DPH6: variants seen among roughly 807,000 people sequenced by gnomAD.
DPH6 encodes the protein diphthine--ammonia ligase.
Under a neutral mutation model 38.2 loss-of-function variants are expected in DPH6, and 33 were observed. The observed-to-expected ratio is 0.86, with a 90% CI of 0.65 to 1.15. The LOEUF is 1.15. Ranked by LOEUF, DPH6 falls within the 50% of genes most tolerant of loss-of-function variation. The pLI is 0.00. For missense variants in DPH6, 325 were observed against 320.0 expected (o/e 1.02, Z -0.12); for synonymous variants, 108 against 103.0 (o/e 1.05, Z -0.30).
intron 3 of DPH6, among the ~76,000 whole-genome samples, chr15:35,317,087 A>G (rs889854324): frequency 2.0e-5 from 3 of 151,954 alleles, no homozygotes; most frequent in Admixed American, 1.3e-4. Flanking sequence ...GTGAAACCCT[A>G]TCTCTACAAA....
intron 3 of DPH6, among the ~76,000 whole-genome samples, chr15:35,244,425 T>G (rs1347058244): frequency 6.6e-6 from 1 of 152,244 alleles, no homozygotes; most frequent in Non-Finnish European, 1.5e-5. Flanking sequence ...CCCTGGACAC[T>G]CTGGTGCAAA....
intron 5 of DPH6, among the ~76,000 whole-genome samples, chr15:35,422,376 T>C (rs2053516875): frequency 6.6e-6 from 1 of 151,940 alleles, no homozygotes; most frequent in African/African-American, 2.4e-5. Flanking sequence ...AATAATGAAA[T>C]GTTCAAAATG....
intron 3 of DPH6, among the ~76,000 whole-genome samples, chr15:35,486,548 T>C (rs1028837171): frequency 1.3e-5 from 2 of 151,838 alleles, no homozygotes; most frequent in African/African-American, 4.8e-5. Context: ...ACTCATGTAC[T>C]ATCATGAGAA....
chr15:35,261,743 G>A (rs1450552714), intron 3 of DPH6, among the ~76,000 whole-genome samples: 1 of 151,942 alleles, frequency 6.6e-6, no homozygotes, highest in African/African-American at 2.4e-5. Context: ...GAAGGTGGAA[G>A]GATGGCTTGA....
intron 3 of DPH6, among the ~76,000 whole-genome samples, chr15:35,336,086 T>C (rs1054726611): frequency 6.6e-6 from 1 of 152,158 alleles, no homozygotes; most frequent in African/African-American, 2.4e-5. Flanking sequence ...TTGAAGAGAT[T>C]CTTCACTTCC....
intron 3 of DPH6, among the ~76,000 whole-genome samples, chr15:35,483,025 CA>C (rs1214840881): frequency 6.6e-6 from 1 of 151,744 alleles, no homozygotes; most frequent in Non-Finnish European, 1.5e-5. Flanking sequence ...ATTGTATATT[CA>C]AATTTCTAAC....
chr15:35,317,815 A>G (rs901216328), intron 3 of DPH6, among the ~76,000 whole-genome samples: 4 of 152,148 alleles, frequency 2.6e-5, no homozygotes, highest in African/African-American at 9.6e-5. Context: ...CAGACCTAGC[A>G]TTGTCCAAGA....
rs1465129653 is a variant in DPH6, at chr15:35,317,529, C to G, written n.200+55992G>C. On this transcript the variant is annotated intron_variant and non_coding_transcript_variant, in intron 3 of 3. Transcript: ENST00000560386. ...AAAGACATTTCCAGACTAACAAAAG[C>G]ATGTAAAATTTTCACCAGCATATTC... Among the ~76,000 whole-genome samples, 11 of 145,152 alleles carry G rather than the reference C, an allele frequency of 7.6e-5. No homozygotes were observed. In the East Asian group the frequency reaches 2.3e-3, roughly 30 times the overall value.
chr15:35,404,706 G>A (rs377120197), intron 6 of DPH6, among the ~76,000 whole-genome samples: 56 of 151,888 alleles, frequency 3.7e-4, no homozygotes, highest in African/African-American at 4.6e-4. Context: ...TGTTTCCTTC[G>A]CTGTGCAGCT....
intron 3 of DPH6, among the ~76,000 whole-genome samples, chr15:35,493,975 G>GTCT (rs2054516151): frequency 6.6e-6 from 1 of 151,998 alleles, no homozygotes; most frequent in African/African-American, 2.4e-5. Context: ...TTCCAGAGCA[G>GTCT]ACTCTGGAAC....
In DPH6 at chr15:35,309,287, C is replaced by T. The variant is rs190884811; in HGVS notation, n.200+64234G>A. ...ATTTTCTCAGAAAAGAAAATGATAT[C>T]AGGAAAAGAAAACAGAGCAAAGGAC... is the stretch of plus-strand genomic sequence containing the variant. On this transcript the variant is annotated intron_variant and non_coding_transcript_variant, in intron 3 of 3. Transcript: ENST00000560386. Among the ~76,000 whole-genome samples, 7 of 152,118 alleles carry T rather than the reference C, an allele frequency of 4.6e-5. No homozygotes were observed. In the East Asian group the frequency reaches 1.4e-3, roughly 29 times the overall value.
chr15:35,231,989 T>C (rs1199328486), intron 3 of DPH6, among the ~76,000 whole-genome samples: 3 of 152,112 alleles, frequency 2.0e-5, no homozygotes, highest in Admixed American at 6.5e-5. Flanking sequence ...ACTTCAAAGA[T>C]TGGGGATCAC....
intron 3 of DPH6, among the ~76,000 whole-genome samples, chr15:35,348,011 T>C (rs539700330): frequency 6.6e-6 from 1 of 152,284 alleles, no homozygotes; most frequent in South Asian, 2.1e-4. Flanking sequence ...TTCTTGGGTA[T>C]TGAGTTATAG....
the DPH6 span, among the ~76,000 whole-genome samples, chr15:35,206,625 A>C: frequency 6.6e-6 from 1 of 152,244 alleles, no homozygotes; most frequent in Non-Finnish European, 1.5e-5. Flanking sequence ...AATTCAGATA[A>C]GTAAGCACAA....
At chr15:35,285,277 G>T (rs2051933201) in intron 3 of DPH6, among the ~76,000 whole-genome samples, 1 of 152,062 alleles carries the variant, frequency 6.6e-6, no homozygotes, top group Admixed American at 6.6e-5. Flanking sequence ...GTTTGGCTGT[G>T]TCCCCACCCA....
chr15:35,442,695 G>T (rs1007965906), intron 5 of DPH6, among the ~76,000 whole-genome samples: 8 of 152,144 alleles, frequency 5.3e-5, no homozygotes, highest in Non-Finnish European at 1.0e-4. Context: ...GCAACAAAAA[G>T]AACTCAATTA....
At chr15:35,223,370 C>T (rs2051455226) in intron 3 of DPH6, among the ~76,000 whole-genome samples, 1 of 152,106 alleles carries the variant, frequency 6.6e-6, no homozygotes, top group Non-Finnish European at 1.5e-5. Flanking sequence ...TCTCTTAAAA[C>T]TCCCACCTCC....
intron 3 of DPH6, chr15:35,520,154 T>C (rs899441631): frequency 3.7e-5 from 11 of 299,482 alleles, no homozygotes; most frequent in Non-Finnish European, 5.4e-5. Context: ...ACCAATTCCA[T>C]TTGTCCCTTC....
chr15:35,495,083 ATTTGAT>A (rs2054531877), intron 3 of DPH6, among the ~76,000 whole-genome samples: 1 of 152,152 alleles, frequency 6.6e-6, no homozygotes, highest in Admixed American at 6.6e-5. Context: ...CACCAATATA[ATTTGAT>A]AGTATTATGT....
Sources: allele counts gnomAD v4.1 joint callset (sites outside exome capture counted in the v4.1 genomes callset), GRCh38; gene constraint gnomAD v4.1.1; transcripts MANE v1.5; gene names NCBI Gene and HGNC (gene_info 2026-07-23, HGNC 2026-07-21).